The following GNB1 variants were observed in gnomAD, a reference collection of about 807,000 sequenced individuals.
GNB1 encodes the protein G protein subunit beta 1.
A neutral mutation model predicts 42.9 loss-of-function variants in GNB1; 2 were observed. The observed-to-expected ratio is 0.05, with a 90% CI of 0.02 to 0.15. The LOEUF is 0.15. GNB1 is among the 10% of genes least tolerant of loss of function. The pLI is 1.00. For missense variants in GNB1, 193 were observed against 462.2 expected, an observed-to-expected ratio of 0.42 and a Z score of 5.34; for synonymous variants, 183 against 174.7, an observed-to-expected ratio of 1.05 and a Z score of -0.38.
chr1:1,890,087 G>C (rs534149049), intron 1 of GNB1, among the ~76,000 whole-genome samples: 1 of 152,076 alleles, frequency 6.6e-6, no homozygotes, highest in Non-Finnish European at 1.5e-5. Context: ...TCGCGGGGCC[G>C]GGCCGGGGTC....
Position 1,804,692 on chromosome 1 carries a change from A to G in GNB1, c.268-111T>C. 3 of 781,836 alleles carry G rather than the reference A, an allele frequency of 3.8e-6. No homozygotes were observed. In the South Asian group the frequency reaches 5.7e-5, roughly 15 times the overall value. The allele number at this position is 781,836 out of a possible 1,614,324, so 48.4% of individuals were successfully genotyped here. A position where few individuals can be genotyped will look rare whatever the true frequency, so the allele number is the denominator to read the frequency against. ...TGCAAAGGAGGTAACAGAACAAAAT[A>G]AGAGCCAAAATTATCTAGAGAGCGA... is the stretch of plus-strand genomic sequence containing the variant. On this transcript the variant is annotated intron_variant, in intron 6 of 11. Coordinates refer to ENST00000378609, the MANE Select transcript of GNB1 (RefSeq NM_002074.5).
At chr1:1,817,255 T>C (rs1646870862) in intron 4 of GNB1, among the ~76,000 whole-genome samples, 2 of 152,240 alleles carry the variant, frequency 1.3e-5, no homozygotes, top group South Asian at 4.1e-4. Flanking sequence ...TTTATCCACG[T>C]TGCAGCCTCT....
intron 7 of GNB1, among the ~76,000 whole-genome samples, chr1:1,795,038 C>G (rs1026487585): frequency 6.6e-6 from 1 of 152,194 alleles, no homozygotes; most frequent in Non-Finnish European, 1.5e-5. Context: ...GCATAGATGA[C>G]AGAGCTCAAA....
chr1:1,828,372 A>G (rs1192073335), intron 2 of GNB1, among the ~76,000 whole-genome samples: 1 of 152,082 alleles, frequency 6.6e-6, no homozygotes, highest in Non-Finnish European at 1.5e-5. Context: ...GTGGGTGTGT[A>G]AAGGCCCAAA....
chr1:1,841,362 T>C (rs1647237597), intron 1 of GNB1, among the ~76,000 whole-genome samples: 2 of 152,148 alleles, frequency 1.3e-5, no homozygotes, highest in South Asian at 2.1e-4. Context: ...TATTTATTAG[T>C]AGAGATGGGG....
intron 2 of GNB1, among the ~76,000 whole-genome samples, chr1:1,828,141 A>T (rs537475099): frequency 2.0e-5 from 3 of 152,044 alleles, no homozygotes; most frequent in African/African-American, 7.2e-5. Flanking sequence ...GTTAACATGG[A>T]GAAACCCCAT....
At chr1:1,839,563 C>T (rs1226586924) in intron 1 of GNB1, 1 of 152,052 alleles carries the variant, frequency 6.6e-6, no homozygotes, top group African/African-American at 2.4e-5. Context: ...AAAACTAATG[C>T]AGGCCGGGCC....
chr1:1,790,724 G>A lies in GNB1; in HGVS notation c.498-128C>T, dbSNP rs1012399618. The A allele has an allele frequency of 3.1e-6, 2 of 639,066 alleles. No homozygotes were observed. The highest frequency in any genetic ancestry group is 4.2e-4 in the Middle Eastern group (1 of 2,386). 39.6% of individuals were successfully genotyped at this position (639,066 alleles called of 1,614,324 possible). ...GCCTCTGCACTGTTACTTTAAAAAC[G>A]TAAATTGTTTAAAGACAAATTTAAA... On this transcript the variant is annotated intron_variant, in intron 8 of 11. Transcript: ENST00000378609. The surrounding 1 kb of genome is among the most constrained non-coding windows in gnomAD (Gnocchi z 5.4).
intron 1 of GNB1, among the ~76,000 whole-genome samples, chr1:1,855,108 G>A (rs1056195373): frequency 5.9e-5 from 9 of 151,548 alleles, no homozygotes; most frequent in African/African-American, 1.7e-4. Flanking sequence ...ACAGTGGGCC[G>A]AGATAGCTCC....
At chr1:1,812,065 C>CA (rs1337182201) in intron 5 of GNB1, among the ~76,000 whole-genome samples, 501 of 136,492 alleles carry the variant, frequency 3.7e-3, no homozygotes, top group African/African-American at 0.011. Flanking sequence ...GACTCCGTCT[C>CA]AAAAAAAAAA....
At chr1:1,868,184 T>G (rs551237231) in intron 1 of GNB1, among the ~76,000 whole-genome samples, 30 of 151,102 alleles carry the variant, frequency 2.0e-4, no homozygotes, top group African/African-American at 6.6e-4. Flanking sequence ...TGTTTTTTTG[T>G]TTTTTTTTGA....
At chr1:1,804,294 G>A (rs576235731) in intron 7 of GNB1, 125 bp downstream of exon 7, 113 of 670,986 alleles carry the variant, frequency 1.7e-4, no homozygotes, top group Middle Eastern at 4.1e-4. Flanking sequence ...GCGAGACTCC[G>A]CCTCAAAAAA....
At chr1:1,789,636 G>A (rs1174874953) in intron 9 of GNB1, among the ~76,000 whole-genome samples, 2 of 151,194 alleles carry the variant, frequency 1.3e-5, no homozygotes, top group Non-Finnish European at 2.9e-5. Context: ...CGGAGGCTGC[G>A]GTGAGCCAAG....
chr1:1,793,260 G>C lies in GNB1; in HGVS notation c.482C>G (p.Ser161Cys). ...FLDDNQIVTS[S>C]GDTTCALWDI... Reference sequence around the variant, plus strand: ...AGGTACTTACCACGTGGTGTCTCCAGAGCTGGTGACGATCTGATTGTCATC... The same window carrying C: ...AGGTACTTACCACGTGGTGTCTCCACAGCTGGTGACGATCTGATTGTCATC... Residue 161 changes from serine (S) to cysteine (C), a missense_variant, in exon 8 of 12, where the codon TCT becomes TGT. By Grantham distance (112) the Ser-to-Cys change is moderately radical. This residue lies in a region of GNB1 where 150 missense variants were observed against 410.8 expected (regional missense o/e 0.37). Coordinates refer to ENST00000378609, the MANE Select transcript of GNB1 (RefSeq NM_002074.5). 2 of 1,612,972 alleles carry C rather than the reference G, an allele frequency of 1.2e-6. No homozygotes were observed. The highest frequency in any genetic ancestry group is 1.7e-6 in the Non-Finnish European group (2 of 1,179,210).
At chr1:1,845,651 G>A (rs560320532) in intron 1 of GNB1, among the ~76,000 whole-genome samples, 6 of 152,174 alleles carry the variant, frequency 3.9e-5, no homozygotes, top group Admixed American at 6.5e-5. Context: ...ATGCCAGAGC[G>A]AAATAAGCGA....
chr1:1,881,765 C>T (rs937110715), intron 1 of GNB1, among the ~76,000 whole-genome samples: 2 of 152,186 alleles, frequency 1.3e-5, no homozygotes, highest in Non-Finnish European at 1.5e-5. Context: ...ACTCTCCTAG[C>T]CCTTTGGAAC....
At chr1:1,809,704 C>T (rs545409628) in intron 5 of GNB1, among the ~76,000 whole-genome samples, 13 of 152,234 alleles carry the variant, frequency 8.5e-5, no homozygotes, top group South Asian at 2.1e-4. Flanking sequence ...ATTAGGGACA[C>T]GTAAGCTGTC....
chr1:1,862,685 C>A lies in GNB1; in HGVS notation c.-95-23447G>T, dbSNP rs188378636. 7.4e-4 allele frequency among the ~76,000 whole-genome samples: 113 copies of A among 152,132 alleles called. 1 individual carries two copies. Among genetic ancestry groups the A allele is most frequent in the African/African-American group, 2.6e-3 (108 of 41,492 alleles). On this transcript the variant is annotated intron_variant, in intron 1 of 11. Coordinates refer to ENST00000378609, the MANE Select transcript of GNB1 (RefSeq NM_002074.5). ...ATGTTGCCTAGGCTGGTCTCCAGCT[C>A]CTGGGCTCAAGCAATCGGCTGCCTT...
At chr1:1,826,143 G>T (rs978808556) in intron 2 of GNB1, among the ~76,000 whole-genome samples, 3 of 152,198 alleles carry the variant, frequency 2.0e-5, no homozygotes, top group Admixed American at 2.0e-4. Flanking sequence ...TAGGCCAGGT[G>T]TGGTGGCTCA....
Sources: gnomAD v4.1 joint callset for allele counts (sites outside exome capture counted in the v4.1 genomes callset) on GRCh38, gnomAD v4.1.1 for gene constraint, gnomAD v4.1.1 regional missense constraint, Gnocchi (gnomAD v3.1) non-coding constraint, MANE v1.5 for transcripts, NCBI Gene and HGNC (gene_info 2026-07-23, HGNC 2026-07-21) for gene names.